DLG2: variants seen among roughly 807,000 people sequenced by gnomAD.
DLG2 encodes disks large homolog 2.
Under a neutral mutation model 132.5 loss-of-function variants are expected in DLG2, and 45 were observed. That is an observed-to-expected ratio of 0.34 (90% CI 0.27 to 0.44). DLG2 has a LOEUF of 0.44. Among genes scored for constraint, DLG2 ranks in the 20% least tolerant of loss-of-function variants. DLG2 has a pLI of 1.00. For missense variants in DLG2, 1,045 were observed against 1,196.9 expected (o/e 0.87, Z 1.87); for synonymous variants, 424 against 419.6 (o/e 1.01, Z -0.13).
intron 6 of DLG2, among the ~76,000 whole-genome samples, chr11:84,569,990 G>A (rs2099474548): frequency 6.6e-6 from 1 of 152,176 alleles, no homozygotes; most frequent in Non-Finnish European, 1.5e-5. Flanking sequence ...TGTGTTCTCA[G>A]TTATGGGTGA....
intron 6 of DLG2, among the ~76,000 whole-genome samples, chr11:84,740,595 T>C (rs2064479176): frequency 6.6e-6 from 1 of 152,062 alleles, no homozygotes; most frequent in Non-Finnish European, 1.5e-5. Flanking sequence ...CTACTGCACC[T>C]CTCCAACACT....
intron 6 of DLG2, chr11:85,021,484 T>C (rs551781699): frequency 2.1e-6 from 3 of 1,444,820 alleles, no homozygotes; most frequent in African/African-American, 2.8e-5. Flanking sequence ...CTCATTAACA[T>C]ACTGAAAGAA....
chr11:85,262,307 A>T (rs1025278664), intron 4 of DLG2, among the ~76,000 whole-genome samples: 10 of 152,206 alleles, frequency 6.6e-5, no homozygotes, highest in African/African-American at 2.4e-4. Context: ...AAAAGCTGAT[A>T]GAGCCAGTGC....
chr11:84,545,026 T>C, intron 6 of DLG2: 1 of 437,662 alleles, frequency 2.3e-6, no homozygotes, highest in Non-Finnish European at 4.5e-6. Context: ...TTGTAGCAGC[T>C]AGGTGCTGCC....
chr11:83,648,631 T>C lies in DLG2; in HGVS notation c.1826-15306A>G, dbSNP rs567043120. ...GAACCCCTACATTCATGGGAAGGGA[T>C]AAAAGAGCTTTAAAAAGTACAAAAG... On this transcript the variant is annotated intron_variant, in intron 18 of 27. Coordinates refer to ENST00000376104, the MANE Select transcript of DLG2 (RefSeq NM_001142699.3). 2.0e-5 allele frequency among the ~76,000 whole-genome samples: 3 copies of C among 152,240 alleles called. No individual in the cohort carries two copies. The East Asian group carries it at 5.8e-4, about 29-fold the overall frequency.
rs78707838 is a variant in DLG2, at chr11:84,958,233, T to C, written c.357+153428A>G. Among the ~76,000 whole-genome samples the C allele has an allele frequency of 2.2e-4, 33 of 152,256 alleles. 2 individuals are homozygous for C. In the East Asian group the frequency reaches 6.4e-3, roughly 30 times the overall value. ...TTCATATATATTTCCTGCCCCACCC[T>C]GGCAAATTCCAGTTCTCTATTCCCA... On this transcript the variant is annotated intron_variant, in intron 6 of 27. Transcript: ENST00000376104.
At chr11:84,980,127 C>G (rs1250574408) in intron 6 of DLG2, among the ~76,000 whole-genome samples, 1 of 152,092 alleles carries the variant, frequency 6.6e-6, no homozygotes, top group Non-Finnish European at 1.5e-5. Context: ...ATAAAGCATA[C>G]CATCGTGTCA....
At chr11:84,509,728 G>A (rs543642604) in intron 7 of DLG2, among the ~76,000 whole-genome samples, 1 of 152,102 alleles carries the variant, frequency 6.6e-6, no homozygotes, top group Non-Finnish European at 1.5e-5. Flanking sequence ...GGTGAATTGA[G>A]AAGCAATTTT....
intron 9 of DLG2, among the ~76,000 whole-genome samples, chr11:84,161,804 T>C (rs1438290332): frequency 6.6e-6 from 1 of 152,176 alleles, no homozygotes; most frequent in African/African-American, 2.4e-5. Context: ...CCATAAATCA[T>C]ATAGCTTGTC....
At chr11:84,951,313 A>C (rs1417686752) in intron 6 of DLG2, among the ~76,000 whole-genome samples, 1 of 152,170 alleles carries the variant, frequency 6.6e-6, no homozygotes, top group African/African-American at 2.4e-5. Flanking sequence ...GTTTTTATAA[A>C]CTCATGATAC....
Position 84,708,868 on chromosome 11 carries a change from G to T in DLG2, c.358-174137C>A, listed in dbSNP as rs531445172. ...TTAGGCAGGCCTGCAGAATCCCAAG[G>T]AGCATTTCTTTTGGATGGTCATCTG... On this transcript the variant is annotated intron_variant, in intron 6 of 27. Transcript: ENST00000376104. 4.7e-4 allele frequency among the ~76,000 whole-genome samples: 72 copies of T among 151,936 alleles called. 1 individual carries two copies. The highest frequency in any genetic ancestry group is 1.7e-3 in the African/African-American group (70 of 41,492).
chr11:83,556,440 G>C (rs1332370566), intron 19 of DLG2, among the ~76,000 whole-genome samples: 1 of 151,154 alleles, frequency 6.6e-6, no homozygotes, highest in Non-Finnish European at 1.5e-5. Flanking sequence ...TGGCGCGATC[G>C]TGACTCACTG....
chr11:84,954,456 T>C (rs546666615), intron 6 of DLG2, among the ~76,000 whole-genome samples: 1 of 152,332 alleles, frequency 6.6e-6, no homozygotes, highest in Non-Finnish European at 1.5e-5. Context: ...ATCACGTTCC[T>C]TTTATTCATT....
intron 3 of DLG2, among the ~76,000 whole-genome samples, chr11:85,517,333 A>C (rs892215201): frequency 2.0e-5 from 3 of 152,190 alleles, no homozygotes; most frequent in African/African-American, 7.2e-5. Context: ...GTCATACTGA[A>C]TGTGGAAAAT....
intron 7 of DLG2, among the ~76,000 whole-genome samples, chr11:84,322,963 G>T (rs535672038): frequency 1.3e-5 from 2 of 151,676 alleles, no homozygotes; most frequent in Non-Finnish European, 2.9e-5. Flanking sequence ...TAATTCCCTC[G>T]CAATCAAGTC....
rs184866353 is a variant in DLG2, at chr11:84,914,093, T to A, written c.357+197568A>T. ...ATGTGTACCTTTTTAAAGTTGTAAA[T>A]CTAGTTATACCTATAGAAATAAATA... is the stretch of plus-strand genomic sequence containing the variant. On this transcript the variant is annotated intron_variant, in intron 6 of 27. Transcript: ENST00000376104. Among the ~76,000 whole-genome samples the A allele has an allele frequency of 5.3e-5, 8 of 152,350 alleles. No homozygotes were observed. In the East Asian group the frequency reaches 1.5e-3, roughly 29 times the overall value.
chr11:84,463,182 C>T (rs2099085028), intron 7 of DLG2, among the ~76,000 whole-genome samples: 1 of 151,180 alleles, frequency 6.6e-6, no homozygotes. Flanking sequence ...TGCTTTCCTA[C>T]TTTCCAGTGC....
intron 4 of DLG2, among the ~76,000 whole-genome samples, chr11:85,253,874 C>A (rs571815249): frequency 6.7e-6 from 1 of 149,530 alleles, no homozygotes; most frequent in South Asian, 2.1e-4. Flanking sequence ...TGAAGTCCAG[C>A]CATCCAAGGC....
At position 83,555,226 on chromosome 11, in the gene DLG2, A is replaced by C. The variant is rs2096490185; in HGVS notation, c.1941-13368T>G. Among the ~76,000 whole-genome samples, 3 of 152,266 alleles carry C rather than the reference A, an allele frequency of 2.0e-5. No homozygotes were observed. The South Asian group carries it at 6.2e-4, about 31-fold the overall frequency. Reference sequence around the variant, plus strand: ...AGAAGATCAATGTCTGGGATAGTCTAAGATGAGACCAGAGGGAAGGAGAGG... The same window carrying C: ...AGAAGATCAATGTCTGGGATAGTCTCAGATGAGACCAGAGGGAAGGAGAGG... On this transcript the variant is annotated intron_variant, in intron 19 of 27. Transcript: ENST00000376104.
Sources: gnomAD v4.1 joint callset for allele counts (sites outside exome capture counted in the v4.1 genomes callset) on GRCh38, gnomAD v4.1.1 for gene constraint, MANE v1.5 for transcripts, NCBI Gene and HGNC (gene_info 2026-07-23, HGNC 2026-07-21) for gene names.